Variants in ZRANB2 observed in about 807,000 individuals in gnomAD.
The protein encoded by ZRANB2 is zinc finger Ran-binding domain-containing protein 2.
A neutral mutation model predicts 53.4 loss-of-function variants in ZRANB2; 19 were observed. The ratio of observed to expected loss-of-function variants is 0.36; its 90% CI spans 0.25 to 0.52. The LOEUF is 0.52. ZRANB2 is among the 20% of genes least tolerant of loss of function. The pLI is 0.93. For synonymous variants in ZRANB2, 145 were observed against 134.8 expected (o/e 1.08, Z -0.52); for missense variants, 309 against 401.1 (o/e 0.77, Z 1.96).
rs1375156863 is a variant in ZRANB2 at position 71,063,461 on chromosome 1, C to T, written c.*1613G>A. 3 of 152,362 alleles carry T rather than the reference C, an allele frequency of 2.0e-5. No homozygotes were observed. The highest frequency in any genetic ancestry group is 4.4e-5 in the Non-Finnish European group (3 of 67,872). 9.4% of individuals were successfully genotyped at this position (152,362 alleles called of 1,614,324 possible). A position where few individuals can be genotyped will look rare whatever the true frequency, so the allele number is the denominator to read the frequency against. Reference sequence around the variant, plus strand: ...AGAATTGTCTGTAAACTACTATTAGCTAAATTATAACCTTGCATTTGCTTA... The same window carrying T: ...AGAATTGTCTGTAAACTACTATTAGTTAAATTATAACCTTGCATTTGCTTA... On this transcript the variant is annotated 3_prime_UTR_variant, in exon 10 of 10. Transcript: ENST00000370920.
At chr1:71,071,182 G>C (rs536271155) in intron 6 of ZRANB2, among the ~76,000 whole-genome samples, 186 bp from the exon 7 acceptor site, 271 of 152,170 alleles carry the variant, frequency 1.8e-3, no homozygotes, top group Middle Eastern at 3.4e-3. Flanking sequence ...CTTTGTCTCA[G>C]GTATTGCACA....
At position 71,073,522 on chromosome 1, in the gene ZRANB2, AT is replaced by A. The variant is rs1392306920; in HGVS notation, c.302-975del. On this transcript the variant is annotated intron_variant, in intron 4 of 9. Transcript: ENST00000370920. The stretch of plus-strand genomic sequence containing the variant: ...AAATTTGCCTATCATATTTAAAAAA[AT>A]ATTTTTAAAATTTCACTTTCTGAAA... Among the ~76,000 whole-genome samples the A allele has an allele frequency of 5.3e-5, 8 of 152,054 alleles. No individual in the cohort carries two copies. In the East Asian group the frequency reaches 7.7e-4, roughly 15 times the overall value.
At chr1:71,080,876 G>A in intron 1 of ZRANB2, 64 bp downstream of exon 1, 1 of 1,579,062 alleles carries the variant, frequency 6.3e-7, no homozygotes, top group Non-Finnish European at 8.7e-7. Flanking sequence ...GAAAATGCCG[G>A]ACGGACCTCG....
chr1:71,070,468 TAAC>T (rs1661569640), intron 7 of ZRANB2, among the ~76,000 whole-genome samples: 1 of 152,144 alleles, frequency 6.6e-6, no homozygotes. Flanking sequence ...TGCTAGCCTT[TAAC>T]ATCTTGAATG....
At chr1:71,074,453 T>C (rs1193492153) in intron 4 of ZRANB2, among the ~76,000 whole-genome samples, 1 of 151,990 alleles carries the variant, frequency 6.6e-6, no homozygotes, top group Non-Finnish European at 1.5e-5. Flanking sequence ...TGGATCAAGA[T>C]TGTGACAATG....
Position 71,069,900 on chromosome 1 carries a change from AC to A in ZRANB2, c.684-539del, listed in dbSNP as rs1661558426. On this transcript the variant is annotated intron_variant, in intron 7 of 9. Transcript: ENST00000370920. ...TAATTATATTATTGGAAAATATGAC[AC>A]AAGGGAGACATGGTTCGTACAAATT... 2.0e-5 allele frequency among the ~76,000 whole-genome samples: 3 copies of A among 152,168 alleles called. No individual in the cohort carries two copies. The South Asian group carries it at 6.2e-4, about 31-fold the overall frequency.
At position 71,065,989 on chromosome 1, in the gene ZRANB2, A is replaced by C. The variant is rs1661423104; in HGVS notation, c.929+787T>G. On this transcript the variant is annotated intron_variant, in intron 9 of 9. Coordinates refer to ENST00000370920, the MANE Select transcript of ZRANB2 (RefSeq NM_203350.3). The stretch of plus-strand genomic sequence containing the variant: ...AACTAATCATTCTGTACAAGTAGGA[A>C]TCATGAGATAATCCTACCACTGAAC... 3 of 406,806 alleles carry C rather than the reference A, an allele frequency of 7.4e-6. No individual in the cohort carries two copies. In the East Asian group the frequency reaches 1.3e-4, roughly 18 times the overall value. The allele number at this position is 406,806 out of a possible 1,614,324, so 25.2% of individuals were successfully genotyped here. A position where few individuals can be genotyped will look rare whatever the true frequency, so the allele number is the denominator to read the frequency against.
intron 6 of ZRANB2, among the ~76,000 whole-genome samples, chr1:71,071,851 G>A (rs922667718): frequency 1.3e-5 from 2 of 152,026 alleles, no homozygotes; most frequent in African/African-American, 2.4e-5. Flanking sequence ...TCTTCATAAC[G>A]TTACTGCTAT....
At chr1:71,079,582 C>A (rs997668238) in intron 1 of ZRANB2, among the ~76,000 whole-genome samples, 1 of 152,136 alleles carries the variant, frequency 6.6e-6, no homozygotes, top group African/African-American at 2.4e-5. Flanking sequence ...AAAAATATTC[C>A]TTTTAACTCC....
intron 5 of ZRANB2, 86 bp downstream of exon 5, chr1:71,072,385 TA>T (rs541112752): frequency 4.5e-4 from 663 of 1,465,594 alleles, no homozygotes; most frequent in Middle Eastern, 3.3e-3. Flanking sequence ...AAATTGCACT[TA>T]AAAAAAAGTT....
At chr1:71,073,078 T>G (rs1041602171) in intron 4 of ZRANB2, among the ~76,000 whole-genome samples, 13 of 152,130 alleles carry the variant, frequency 8.5e-5, no homozygotes, top group Non-Finnish European at 1.5e-4. Flanking sequence ...CCTGGTTTAA[T>G]TGGTTTTAAC....
chr1:71,066,938 CATTG>C lies in ZRANB2; in HGVS notation c.771-8_771-5del. 6.5e-7 allele frequency: 1 copy of C among 1,549,776 alleles called. No individual in the cohort carries two copies. The highest frequency in any genetic ancestry group is 2.3e-5 in the East Asian group (1 of 42,554). Reference sequence around the variant, plus strand: ...CCTGTGGGACCTGGAGCTGGATCTTCATTGATTGAGAAACAAATCAAACATTTCA... The same window carrying C: ...CCTGTGGGACCTGGAGCTGGATCTTCATTGAGAAACAAATCAAACATTTCA... On this transcript the variant is annotated splice_polypyrimidine_tract_variant and splice_region_variant and intron_variant, in intron 8 of 9. Transcript: ENST00000370920.
chr1:71,068,962 T>C (rs1349261333), intron 8 of ZRANB2, among the ~76,000 whole-genome samples: 3 of 151,974 alleles, frequency 2.0e-5, no homozygotes, highest in Non-Finnish European at 4.4e-5. Context: ...CCATATATAA[T>C]CTTAATATAC....
chr1:71,076,978 C>G, intron 3 of ZRANB2, 101 bp from the exon 4 acceptor site: 1 of 858,130 alleles, frequency 1.2e-6, no homozygotes. Flanking sequence ...GATGAAACCA[C>G]TGTCAAAGAA....
chr1:71,069,201 A>C, intron 8 of ZRANB2, 75 bp downstream of exon 8: 2 of 1,253,462 alleles, frequency 1.6e-6, no homozygotes, highest in Non-Finnish European at 2.2e-6. Flanking sequence ...AATAAGGGGA[A>C]AAAAAGCAGC....
At position 71,064,780 on chromosome 1, in the gene ZRANB2, A is replaced by C. The variant is rs1320589317; in HGVS notation, c.*294T>G. On this transcript the variant is annotated 3_prime_UTR_variant, in exon 10 of 10. Transcript: ENST00000370920. ...TGGACAGGATGTATTTGGAAATGAC[A>C]AAAATGGGTTTAAATTAGGAAGCAA... The C allele has an allele frequency of 4.5e-6, 1 of 220,836 alleles. No homozygotes were observed. The highest frequency in any genetic ancestry group is 2.3e-5 in the African/African-American group (1 of 43,694). 13.7% of individuals were successfully genotyped at this position (220,836 alleles called of 1,614,324 possible).
chr1:71,073,658 T>C (rs987224602), intron 4 of ZRANB2, among the ~76,000 whole-genome samples: 3 of 151,964 alleles, frequency 2.0e-5, no homozygotes, highest in African/African-American at 4.8e-5. Flanking sequence ...GGGATCTAAA[T>C]TGGAAATAAT....
intron 8 of ZRANB2, 90 bp downstream of exon 8, chr1:71,069,186 A>C: frequency 9.4e-7 from 1 of 1,061,604 alleles, no homozygotes; most frequent in Non-Finnish European, 1.4e-6. Context: ...GACAAGTAGA[A>C]GCAAAATAAG....
At chr1:71,067,973 C>T (rs1405720402) in intron 8 of ZRANB2, among the ~76,000 whole-genome samples, 3 of 151,154 alleles carry the variant, frequency 2.0e-5, no homozygotes, top group Non-Finnish European at 4.4e-5. Flanking sequence ...ATCTCCAGGG[C>T]TCCAGTGATC....
Sources: gnomAD v4.1 joint callset for allele counts (sites outside exome capture counted in the v4.1 genomes callset) on GRCh38, gnomAD v4.1.1 for gene constraint, MANE v1.5 for transcripts, NCBI Gene and HGNC (gene_info 2026-07-23, HGNC 2026-07-21) for gene names.